The following ZFP92 variants were observed in gnomAD, a reference collection of about 807,000 sequenced individuals.
The protein encoded by ZFP92 is ZFP92 zinc finger protein.
A neutral mutation model predicts 7.6 loss-of-function variants in ZFP92; 2 were observed. The observed-to-expected ratio is 0.26, with a 90% CI of 0.11 to 0.83. The LOEUF is 0.83. Ranked by LOEUF, ZFP92 falls within the 40% of genes least tolerant of loss-of-function variation. The probability of loss-of-function intolerance (pLI) is 0.65; values close to 1 mark genes in which losing one functional copy is unlikely to be tolerated. For missense variants in ZFP92, 324 were observed against 408.3 expected (o/e 0.79, Z 1.78); for synonymous variants, 226 against 183.6 (o/e 1.23, Z -1.87).
At chrX:153,415,117 C>T (rs782045616) in intron 2 of ZFP92, among the ~76,000 whole-genome samples, 1 of 112,724 alleles carries the variant, frequency 8.9e-6, no homozygotes, top group African/African-American at 3.2e-5. Flanking sequence ...CCCTACTTGT[C>T]TGGTGCCTGG....
intron 2 of ZFP92, 45 bp from the exon 3 acceptor site, chrX:153,418,260 C>A (rs1602894336): frequency 8.6e-7 from 1 of 1,162,276 alleles, no homozygotes; most frequent in East Asian, 3.3e-5. Flanking sequence ...ATTGGCTGCT[C>A]CAGGCTGCCC....
chrX:153,419,844 C>A (rs960305839), intron 4 of ZFP92, among the ~76,000 whole-genome samples: 7 of 112,196 alleles, frequency 6.2e-5, no homozygotes, highest in Non-Finnish European at 9.4e-5. Flanking sequence ...TGAAACAGGG[C>A]AATTCAGCTT....
Position 153,418,696 on chromosome X carries a change from G to A in ZFP92, c.57G>A (p.Val19=). Residue 19 remains valine, a synonymous_variant, in exon 4 of 6, where the codon GTG becomes GTA. Coordinates refer to ENST00000338647, the MANE Select transcript of ZFP92 (RefSeq NM_001136273.2). ...AGGTGCCAGTATCTTTTGAGGATGTGTCCGTGTACTTCACAAAGACAGAAT... is the reference window on the plus strand; with the variant it reads ...AGGTGCCAGTATCTTTTGAGGATGTATCCGTGTACTTCACAAAGACAGAAT... ...RPKVPVSFED[V]SVYFTKTEWK... The A allele has an allele frequency of 8.6e-7, 1 of 1,167,683 alleles. No individual in the cohort carries two copies.
chrX:153,421,042 A>G lies in ZFP92; in HGVS notation c.665A>G (p.Asn222Ser). Reference protein sequence around the residue: ...ECSKTFTRSSNLIKHQVIHSG... With the variant: ...ECSKTFTRSSSLIKHQVIHSG... ...AGCAAGACCTTCACGCGCAGCTCCA[A>G]CCTCATCAAGCACCAGGTCATCCAC... Residue 222 changes from asparagine (N) to serine (S), a missense_variant, in exon 6 of 6, where the codon AAC (asparagine) becomes AGC (serine). Coordinates refer to ENST00000338647, the MANE Select transcript of ZFP92 (RefSeq NM_001136273.2). 8.4e-7 allele frequency: 1 copy of G among 1,195,231 alleles called. No homozygotes were observed. Among genetic ancestry groups the G allele is most frequent in the African/African-American group, 1.7e-5 (1 of 57,200 alleles).
intron 4 of ZFP92, among the ~76,000 whole-genome samples, chrX:153,419,500 A>G (rs1427286871): frequency 8.9e-6 from 1 of 112,660 alleles, no homozygotes; most frequent in Non-Finnish European, 1.9e-5. Context: ...AGCTGATGAG[A>G]GATGCATGCG....
In ZFP92 at chrX:153,425,709, G is replaced by A. The variant is rs782565701; in HGVS notation, c.*4081G>A. 6 of 111,499 alleles carry A rather than the reference G, an allele frequency of 5.4e-5. No homozygotes were observed. Among genetic ancestry groups the A allele is most frequent in the Non-Finnish European group, 9.4e-5 (5 of 53,047 alleles). 9.2% of individuals were successfully genotyped at this position (111,499 alleles called of 1,213,427 possible). On this transcript the variant is annotated 3_prime_UTR_variant, in exon 6 of 6. Coordinates refer to ENST00000338647, the MANE Select transcript of ZFP92 (RefSeq NM_001136273.2). ...TCTTTGACACCAGGGCCCCAGCCACGTGTCTCAGGGGCTCCCACTTGCCAT... is the reference window on the plus strand; with the variant it reads ...TCTTTGACACCAGGGCCCCAGCCACATGTCTCAGGGGCTCCCACTTGCCAT...
chrX:153,420,416 G>T, intron 5 of ZFP92, 84 bp downstream of exon 5: 1 of 948,314 alleles, frequency 1.1e-6, no homozygotes, highest in Non-Finnish European at 1.4e-6. Flanking sequence ...GTACCCTGCC[G>T]CTTTGGGTGG....
intron 2 of ZFP92, 95 bp from the exon 3 acceptor site, chrX:153,418,210 T>C: frequency 2.0e-6 from 2 of 1,012,782 alleles, no homozygotes; most frequent in Admixed American, 5.2e-5. Context: ...TGTGCTTATT[T>C]CACAAGAAAA....
rs145909515 is a variant in ZFP92 at position 153,421,523 on chromosome X, G to A, written c.1146G>A (p.Arg382=). Residue 382 remains arginine, a synonymous_variant, in exon 6 of 6, where the codon CGG becomes CGA. Coordinates refer to ENST00000338647, the MANE Select transcript of ZFP92 (RefSeq NM_001136273.2). ...GCCCTGCGAAGGCGGAGACGGCGCG[G>A]AGGCTAGCGGGCCCTGGGAGCACCG... ...ARRPAKAETA[R]RLAGPGSTGP... The A allele has an allele frequency of 8.8e-7, 1 of 1,132,613 alleles. No individual in the cohort carries two copies. The highest frequency in any genetic ancestry group is 2.8e-5 in the Admixed American group (1 of 36,199). 93.3% of individuals were successfully genotyped at this position (1,132,613 alleles called of 1,213,427 possible).
chrX:153,422,791 G>A lies in ZFP92; in HGVS notation c.*1163G>A, dbSNP rs2089015148. The stretch of plus-strand genomic sequence containing the variant: ...GCTTTGATTGTTTTTGTATTCAGGG[G>A]TAATGTATATTGAAAATAGAGATTT... On this transcript the variant is annotated 3_prime_UTR_variant, in exon 6 of 6. Transcript: ENST00000338647. The A allele has an allele frequency of 8.9e-6, 1 of 112,595 alleles. No individual in the cohort carries two copies. Among genetic ancestry groups the A allele is most frequent in the African/African-American group, 3.2e-5 (1 of 30,871 alleles). 9.3% of individuals were successfully genotyped at this position (112,595 alleles called of 1,213,427 possible). A position where few individuals can be genotyped will look rare whatever the true frequency, so the allele number is the denominator to read the frequency against.
intron 2 of ZFP92, among the ~76,000 whole-genome samples, chrX:153,416,088 C>T (rs782420046): frequency 2.0e-4 from 22 of 111,575 alleles, no homozygotes; most frequent in African/African-American, 5.2e-4. Flanking sequence ...ATACGGGACC[C>T]GTTGCTCTAT....
intron 3 of ZFP92, 143 bp from the exon 4 acceptor site, chrX:153,418,530 G>A (rs1373478397): frequency 1.0e-6 from 1 of 978,662 alleles, no homozygotes; most frequent in East Asian, 3.4e-5. Flanking sequence ...CTGTTTTTCT[G>A]TCTTACAACT....
At chrX:153,419,390 G>T (rs1556974487) in intron 4 of ZFP92, among the ~76,000 whole-genome samples, 1 of 112,733 alleles carries the variant, frequency 8.9e-6, no homozygotes, top group African/African-American at 3.2e-5. Flanking sequence ...GCAAAAGCAG[G>T]AGTCACAGGC....
intron 2 of ZFP92, among the ~76,000 whole-genome samples, chrX:153,416,867 G>C (rs1556973864): frequency 8.9e-6 from 1 of 111,829 alleles, no homozygotes; most frequent in East Asian, 2.8e-4. Context: ...GGGAGTCTAA[G>C]GGGAGCTGGT....
Position 153,418,742 on chromosome X carries a change from C to CA in ZFP92, c.107dup (p.Val37GlyfsTer12). 8.6e-7 allele frequency: 1 copy of CA among 1,167,977 alleles called. No homozygotes were observed. Among genetic ancestry groups the CA allele is most frequent in the Non-Finnish European group, 1.1e-6 (1 of 873,001 alleles). On this transcript the variant is annotated frameshift_variant, in exon 4 of 6. Transcript: ENST00000338647. LOFTEE classifies it high-confidence loss of function. ...AGAATGGAAGCTTCTGGACCTCAGA[C>CA]AAAAGGTCCTCTACAAGCGGGTGAT...
In ZFP92 at chrX:153,420,812, C is replaced by T. The variant is rs1556974789; in HGVS notation, c.435C>T (p.Pro145=). 8.5e-7 allele frequency: 1 copy of T among 1,170,089 alleles called. No homozygotes were observed. Among genetic ancestry groups the T allele is most frequent in the South Asian group, 1.9e-5 (1 of 52,900 alleles). ...GQSSAAGPQG[P]KGAEKRYLCQ... ...GTTCGGCTGCGGGGCCGCAGGGCCC[C>T]AAAGGCGCGGAGAAGCGGTACCTGT... Residue 145 remains proline (P), a synonymous_variant, in exon 6 of 6, where the codon CCC becomes CCT. Coordinates refer to ENST00000338647, the MANE Select transcript of ZFP92 (RefSeq NM_001136273.2).
At chrX:153,418,438 G>C (rs991388463) in intron 3 of ZFP92, 83 bp downstream of exon 3, 7 of 1,109,247 alleles carry the variant, frequency 6.3e-6, no homozygotes, top group Non-Finnish European at 8.5e-6. Context: ...CTCCAGCTGG[G>C]CTGAGCTTAG....
chrX:153,420,949 G>A lies in ZFP92; in HGVS notation c.572G>A (p.Arg191His). Residue 191 changes from arginine to histidine, a missense_variant, in exon 6 of 6, where the codon CGC (arginine) becomes CAC (histidine). By Grantham distance (29) the Arg-to-His change is conservative (BLOSUM62 0). Transcript: ENST00000338647. Reference sequence around the variant, plus strand: ...CCCGAGTGCGGCAAGCTGTTTCGCCGCAGCTTCGCGCTCCTGGAGCACCAG... The same window carrying A: ...CCCGAGTGCGGCAAGCTGTTTCGCCACAGCTTCGCGCTCCTGGAGCACCAG... ...ACPECGKLFR[R>H]SFALLEHQRI... 1.7e-6 allele frequency: 2 copies of A among 1,193,868 alleles called. No individual in the cohort carries two copies. Among genetic ancestry groups the A allele is most frequent in the Non-Finnish European group, 2.3e-6 (2 of 886,551 alleles).
Position 153,418,366 on chromosome X carries a change from G to A in ZFP92, c.33+11G>A. ...ACCACGAGACCCAAGGTGAGTGGTGGCCCCTCTCCCTGGCCTCTCCCCCTG... is the reference window on the plus strand; with the variant it reads ...ACCACGAGACCCAAGGTGAGTGGTGACCCCTCTCCCTGGCCTCTCCCCCTG... On this transcript the variant is annotated intron_variant, in intron 3 of 5. Coordinates refer to ENST00000338647, the MANE Select transcript of ZFP92 (RefSeq NM_001136273.2). 1 of 1,166,815 alleles carries A rather than the reference G, an allele frequency of 8.6e-7. No homozygotes were observed. The highest frequency in any genetic ancestry group is 1.9e-5 in the South Asian group (1 of 52,615).
Sources: gnomAD v4.1 joint callset for allele counts (sites outside exome capture counted in the v4.1 genomes callset) on GRCh38, gnomAD v4.1.1 for gene constraint, MANE v1.5 for transcripts, NCBI Gene and HGNC (gene_info 2026-07-23, HGNC 2026-07-21) for gene names.